The following FZD3 variants were observed in gnomAD, a reference collection of about 807,000 sequenced individuals.
FZD3 encodes the protein frizzled-3.
FZD3 carries 30 observed loss-of-function variants against 60.7 expected under a neutral mutation model. The ratio of observed to expected loss-of-function variants is 0.49; its 90% CI spans 0.37 to 0.67. The LOEUF (loss-of-function observed/expected upper bound fraction) is 0.67, where lower values mean the gene tolerates loss of function less well. FZD3 is among the 30% of genes least tolerant of loss of function. The probability of loss-of-function intolerance (pLI) is 0.00; values close to 1 mark genes in which losing one functional copy is unlikely to be tolerated. For synonymous variants in FZD3, 246 were observed against 275.2 expected (o/e 0.89, Z 1.05); for missense variants, 605 against 838.7 (o/e 0.72, Z 3.44).
intron 1 of FZD3, among the ~76,000 whole-genome samples, chr8:28,497,176 A>T (rs1349160049): frequency 6.6e-6 from 1 of 152,218 alleles, no homozygotes; most frequent in East Asian, 1.9e-4. Context: ...TTTAAGCCTT[A>T]ATCACTTAAC....
chr8:28,495,031 C>A (rs1803805965), intron 1 of FZD3, among the ~76,000 whole-genome samples: 1 of 152,216 alleles, frequency 6.6e-6, no homozygotes, highest in African/African-American at 2.4e-5. Flanking sequence ...GCTGCTGGAT[C>A]CCCGAGGGTC....
chr8:28,553,696 C>T (rs1425170695), intron 6 of FZD3, among the ~76,000 whole-genome samples: 1 of 152,180 alleles, frequency 6.6e-6, no homozygotes, highest in African/African-American at 2.4e-5. Flanking sequence ...TCATTGTGAT[C>T]TTCCAAGCCA....
intron 2 of FZD3, among the ~76,000 whole-genome samples, chr8:28,502,390 G>A (rs1443280165): frequency 3.9e-5 from 6 of 151,956 alleles, no homozygotes; most frequent in African/African-American, 7.3e-5. Flanking sequence ...ATATTGTGAC[G>A]GATGAAAAAC....
At chr8:28,531,229 A>C (rs1330753168) in intron 5 of FZD3, among the ~76,000 whole-genome samples, 2 of 151,922 alleles carry the variant, frequency 1.3e-5, no homozygotes, top group Non-Finnish European at 1.5e-5. Context: ...TTATCCATAA[A>C]ATTTGCTGTT....
chr8:28,513,647 C>CA (rs1267838549), intron 3 of FZD3, among the ~76,000 whole-genome samples: 2 of 152,094 alleles, frequency 1.3e-5, no homozygotes, highest in African/African-American at 4.8e-5. Flanking sequence ...CATTTTTAGT[C>CA]ACAGTTATTC....
chr8:28,517,911 T>A (rs1052419510), intron 3 of FZD3, among the ~76,000 whole-genome samples: 4 of 152,228 alleles, frequency 2.6e-5, no homozygotes, highest in African/African-American at 9.6e-5. Flanking sequence ...TCTCTTGGGA[T>A]GCCCAGTAAT....
At chr8:28,556,952 G>A (rs771407285) in intron 7 of FZD3, among the ~76,000 whole-genome samples, 7 of 152,174 alleles carry the variant, frequency 4.6e-5, no homozygotes, top group Non-Finnish European at 1.0e-4. Context: ...AACTGCCTTT[G>A]AGCTTTTCAG....
intron 5 of FZD3, 67 bp from the exon 6 acceptor site, chr8:28,551,536 T>C: frequency 1.7e-6 from 2 of 1,196,090 alleles, no homozygotes; most frequent in Non-Finnish European, 2.4e-6. Flanking sequence ...AGAAAAAGAT[T>C]TCATAATGGC....
chr8:28,527,804 G>A lies in FZD3; in HGVS notation c.1044G>A (p.Ala348=), dbSNP rs148953574. The change falls in exon 5 of 8, where the codon GCG becomes GCA. Residue 348 remains alanine, a synonymous_variant. Coordinates refer to ENST00000240093, the MANE Select transcript of FZD3 (RefSeq NM_017412.4). The surrounding 1 kb of genome is among the most constrained non-coding windows in gnomAD (Gnocchi z 5.0). ...IPGTLTIILL[A]MNKIEGDNIS... is the part of the protein sequence containing the mutation. ...GAACTCTAACCATCATCCTTTTAGC[G>A]ATGAATAAAATTGAAGGTGACAATA... The A allele has an allele frequency of 1.6e-3, 2,633 of 1,614,108 alleles. 7 individuals are homozygous for A. Among genetic ancestry groups the A allele is most frequent in the Non-Finnish European group, 1.9e-3 (2,221 of 1,179,980 alleles).
intron 1 of FZD3, among the ~76,000 whole-genome samples, chr8:28,495,389 T>TA (rs771959304): frequency 1.3e-5 from 2 of 152,168 alleles, no homozygotes; most frequent in Admixed American, 6.5e-5. Context: ...CAGTGACTGT[T>TA]ACGGGGAAGT....
At position 28,527,545 on chromosome 8, in the gene FZD3, T is replaced by C; in HGVS notation, c.785T>C (p.Val262Ala). The C allele has an allele frequency of 6.2e-7, 1 of 1,614,074 alleles. No individual in the cohort carries two copies. Among genetic ancestry groups the C allele is most frequent in the Non-Finnish European group, 8.5e-7 (1 of 1,179,950 alleles). The change falls in exon 5 of 8, where the codon GTA becomes GCA. Residue 262 changes from valine (V) to alanine (A), a missense_variant. Val to Ala is a moderately conservative substitution (Grantham distance 64). Transcript: ENST00000240093. This position sits in a 1 kb window ranked among gnomAD's most constrained non-coding sequence, Gnocchi z 5.0. ...FFIGFLLEDR[V>A]ACNASIPAQY... ...ATTGGATTTTTGCTTGAAGATCGAG[T>C]AGCCTGCAATGCATCCATCCCTGCA...
At chr8:28,530,923 TA>T (rs1804855606) in intron 5 of FZD3, among the ~76,000 whole-genome samples, 1 of 152,220 alleles carries the variant, frequency 6.6e-6, no homozygotes, top group Admixed American at 6.5e-5. Context: ...CTCTATTTTT[TA>T]AAATGTTTCC....
chr8:28,529,811 T>C (rs1804816055), intron 5 of FZD3, among the ~76,000 whole-genome samples: 2 of 152,156 alleles, frequency 1.3e-5, no homozygotes, highest in Non-Finnish European at 2.9e-5. Context: ...AAAACTCTTA[T>C]TATGAGTTTT....
chr8:28,539,020 G>A (rs12542100), intron 5 of FZD3, among the ~76,000 whole-genome samples: 80,598 of 151,534 alleles, frequency 0.53, 21,949 homozygotes, highest in South Asian at 0.63. Context: ...TTACTCTCTC[G>A]TCTCTTAAAA....
intron 4 of FZD3, among the ~76,000 whole-genome samples, chr8:28,526,068 G>C (rs891155923): frequency 1.4e-5 from 2 of 148,108 alleles, no homozygotes. Flanking sequence ...GTGCCTATTA[G>C]ATACCTAAGT....
chr8:28,550,407 A>G (rs1320743081), intron 5 of FZD3, among the ~76,000 whole-genome samples: 2 of 136,212 alleles, frequency 1.5e-5, no homozygotes, highest in African/African-American at 2.7e-5. Context: ...ATCCTTTTTC[A>G]ATAACCAACT....
chr8:28,525,919 A>G lies in FZD3; in HGVS notation c.387-1228A>G, dbSNP rs563516550. Among the ~76,000 whole-genome samples, 3 of 127,778 alleles carry G rather than the reference A, an allele frequency of 2.3e-5. No individual in the cohort carries two copies. The East Asian group carries it at 7.0e-4, about 30-fold the overall frequency. 83.8% of individuals were successfully genotyped at this position (127,778 alleles called of 152,430 possible). A position where few individuals can be genotyped will look rare whatever the true frequency, so the allele number is the denominator to read the frequency against. On this transcript the variant is annotated intron_variant, in intron 4 of 7. Transcript: ENST00000240093. ...AAATGCTGGTAGATTTCATAGGTAT[A>G]TGAAAGATAAGGGACATCAAGGATA...
chr8:28,494,948 A>G (rs1272072168), intron 1 of FZD3, among the ~76,000 whole-genome samples: 1 of 152,072 alleles, frequency 6.6e-6, no homozygotes, highest in African/African-American at 2.4e-5. Flanking sequence ...TCAGTTTGCA[A>G]AGTCCTTGCT....
intron 3 of FZD3, among the ~76,000 whole-genome samples, chr8:28,508,325 C>T (rs1334006148): frequency 1.3e-5 from 2 of 151,794 alleles, no homozygotes; most frequent in Non-Finnish European, 2.9e-5. Flanking sequence ...GCTCTGGTTC[C>T]TTTTATTTGG....
Sources: gnomAD v4.1 joint callset for allele counts (sites outside exome capture counted in the v4.1 genomes callset) on GRCh38, gnomAD v4.1.1 for gene constraint, Gnocchi (gnomAD v3.1) non-coding constraint, MANE v1.5 for transcripts, NCBI Gene and HGNC (gene_info 2026-07-23, HGNC 2026-07-21) for gene names.